SGCD: variants seen among roughly 807,000 people sequenced by gnomAD.
The protein encoded by SGCD is sarcoglycan delta.
Under a neutral mutation model 36.6 loss-of-function variants are expected in SGCD, and 18 were observed. That is an observed-to-expected ratio of 0.49 (90% CI 0.34 to 0.73). SGCD has a LOEUF of 0.73. Among genes scored for constraint, SGCD ranks in the 30% least tolerant of loss-of-function variants. SGCD has a pLI of 0.01. For synonymous variants in SGCD, 133 were observed against 130.6 expected (o/e 1.02, Z -0.12); for missense variants, 387 against 346.7 (o/e 1.12, Z -0.92).
chr5:156,619,086 C>A (rs558033332), intron 6 of SGCD, among the ~76,000 whole-genome samples: 2 of 150,182 alleles, frequency 1.3e-5, no homozygotes, highest in Non-Finnish European at 2.9e-5. Flanking sequence ...AGTGCAGTGG[C>A]GCCATCTTGG....
At chr5:156,307,433 C>A (rs902748245) in intron 3 of SGCD, among the ~76,000 whole-genome samples, 1 of 152,098 alleles carries the variant, frequency 6.6e-6, no homozygotes, top group Non-Finnish European at 1.5e-5. Flanking sequence ...ATATTTAAAT[C>A]CATTCTGCCA....
the SGCD span, among the ~76,000 whole-genome samples, chr5:155,733,227 C>T: frequency 6.6e-6 from 1 of 151,984 alleles, no homozygotes; most frequent in African/African-American, 2.4e-5. Flanking sequence ...CCCTTTCCTC[C>T]CCTTCATTAT....
chr5:156,228,396 C>T (rs1764910540), intron 3 of SGCD, among the ~76,000 whole-genome samples: 1 of 151,874 alleles, frequency 6.6e-6, no homozygotes, highest in Non-Finnish European at 1.5e-5. Context: ...ATATAATGTC[C>T]CTCTTTGTCT....
At chr5:155,992,912 T>C (rs1195524764) in intron 1 of SGCD, among the ~76,000 whole-genome samples, 1 of 152,214 alleles carries the variant, frequency 6.6e-6, no homozygotes, top group African/African-American at 2.4e-5. Flanking sequence ...GCAAACATAG[T>C]GCCTCTTCCA....
At chr5:156,146,808 A>G (rs969266402) in intron 3 of SGCD, among the ~76,000 whole-genome samples, 2 of 152,208 alleles carry the variant, frequency 1.3e-5, no homozygotes, top group African/African-American at 4.8e-5. Context: ...TGGGAAGCCC[A>G]GGTAGGGAGG....
At chr5:156,627,892 A>G (rs1348448637) in intron 6 of SGCD, among the ~76,000 whole-genome samples, 3 of 152,168 alleles carry the variant, frequency 2.0e-5, no homozygotes, top group African/African-American at 7.2e-5. Context: ...AGACTGCCCC[A>G]TCACCTGCAA....
chr5:156,202,416 C>T (rs1306780037), intron 3 of SGCD, among the ~76,000 whole-genome samples: 1 of 152,118 alleles, frequency 6.6e-6, no homozygotes, highest in Non-Finnish European at 1.5e-5. Context: ...GTCTGAGCTT[C>T]ACTACGGCCT....
chr5:156,650,941 G>C (rs192611398), intron 7 of SGCD, among the ~76,000 whole-genome samples: 1 of 152,040 alleles, frequency 6.6e-6, no homozygotes, highest in Non-Finnish European at 1.5e-5. Flanking sequence ...TCCCACCAGC[G>C]GTGTATAAGT....
At chr5:156,643,899 A>AT (rs1179115059) in intron 6 of SGCD, among the ~76,000 whole-genome samples, 2 of 152,172 alleles carry the variant, frequency 1.3e-5, no homozygotes, top group Non-Finnish European at 2.9e-5. Flanking sequence ...TTCATCAGAT[A>AT]TTTTAACTCT....
chr5:156,521,001 A>C (rs2113035779), intron 4 of SGCD, among the ~76,000 whole-genome samples: 1 of 136,374 alleles, frequency 7.3e-6, no homozygotes, highest in East Asian at 2.3e-4. Flanking sequence ...TGAGTGACAG[A>C]GCGAGACTCC....
At chr5:156,068,846 T>A (rs1234906940) in intron 1 of SGCD, among the ~76,000 whole-genome samples, 1 of 151,840 alleles carries the variant, frequency 6.6e-6, no homozygotes, top group Non-Finnish European at 1.5e-5. Context: ...CTCATTGTGG[T>A]TTTGATTTGC....
intron 3 of SGCD, among the ~76,000 whole-genome samples, chr5:156,155,903 CCT>C (rs1401189682): frequency 6.6e-6 from 1 of 151,712 alleles, no homozygotes; most frequent in African/African-American, 2.4e-5. Flanking sequence ...AGGCAGCACA[CCT>C]CTGAGATAAG....
At chr5:156,732,629 C>G (rs1317810160) in intron 7 of SGCD, among the ~76,000 whole-genome samples, 2 of 151,788 alleles carry the variant, frequency 1.3e-5, no homozygotes, top group Non-Finnish European at 2.9e-5. Flanking sequence ...GGGCAGAGTC[C>G]CTCCCTTCTC....
upstream of SGCD, among the ~76,000 whole-genome samples, chr5:155,865,612 T>C (rs1755508187): frequency 6.6e-6 from 1 of 152,226 alleles, no homozygotes; most frequent in South Asian, 2.1e-4. Context: ...TTGTCTTGCA[T>C]GTTGCCTATG....
chr5:155,920,673 G>A (rs1247451061), intron 1 of SGCD, among the ~76,000 whole-genome samples: 2 of 152,140 alleles, frequency 1.3e-5, no homozygotes, highest in Non-Finnish European at 2.9e-5. Flanking sequence ...CTTGGGCCTG[G>A]CCTTTATATT....
chr5:156,644,053 C>T (rs1218539139), intron 6 of SGCD, among the ~76,000 whole-genome samples: 1 of 152,092 alleles, frequency 6.6e-6, no homozygotes, highest in Non-Finnish European at 1.5e-5. Context: ...AAAGCAAACT[C>T]TGTTAAGCTA....
intron 7 of SGCD, among the ~76,000 whole-genome samples, chr5:156,657,133 C>A: frequency 6.6e-6 from 1 of 151,844 alleles, no homozygotes; most frequent in African/African-American, 2.4e-5. Flanking sequence ...TCTATTAGAG[C>A]CTTAGGGGTG....
intron 1 of SGCD, among the ~76,000 whole-genome samples, chr5:156,094,246 G>A (rs1761323447): frequency 6.6e-6 from 1 of 152,204 alleles, no homozygotes; most frequent in South Asian, 2.1e-4. Flanking sequence ...TCTGTAAGGG[G>A]GAGGGTGGCC....
At chr5:156,143,762 G>A (rs1307977620) in intron 3 of SGCD, among the ~76,000 whole-genome samples, 1 of 151,824 alleles carries the variant, frequency 6.6e-6, no homozygotes, top group Non-Finnish European at 1.5e-5. Flanking sequence ...TATACTCTAA[G>A]TTTTAGGGTA....
Sources: allele counts gnomAD v4.1 joint callset (sites outside exome capture counted in the v4.1 genomes callset), GRCh38; gene constraint gnomAD v4.1.1; transcripts MANE v1.5; gene names NCBI Gene and HGNC (gene_info 2026-07-23, HGNC 2026-07-21).